Variants in EVC2 observed in about 807,000 individuals in gnomAD.
EVC2 encodes EvC ciliary complex subunit 2.
EVC2 carries 148 observed loss-of-function variants against 149.3 expected under a neutral mutation model. The ratio of observed to expected loss-of-function variants is 0.99; its 90% CI spans 0.87 to 1.14. The LOEUF (loss-of-function observed/expected upper bound fraction) is 1.14. EVC2 is among the 50% of genes most tolerant of loss of function. The pLI is 0.00. For missense variants in EVC2, 1,854 were observed against 1,627.3 expected (o/e 1.14, Z -2.40); for synonymous variants, 776 against 649.9 (o/e 1.19, Z -2.95).
At chr4:5,709,073 C>G (rs1325770867), upstream of EVC2, 1 of 152,440 alleles carries the variant, frequency 6.6e-6, no homozygotes, top group Non-Finnish European at 1.5e-5. Flanking sequence ...ACCCACTGCC[C>G]GAGCCTGCTG....
intron 18 of EVC2, 27 bp from the exon 19 acceptor site, chr4:5,574,799 G>A: frequency 1.2e-6 from 2 of 1,604,398 alleles, no homozygotes; most frequent in East Asian, 4.5e-5. Flanking sequence ...ATATACGTAA[G>A]TTCAGTTTTG....
chr4:5,685,257 G>A, intron 6 of EVC2, 113 bp downstream of exon 6: 2 of 999,470 alleles, frequency 2.0e-6, no homozygotes, highest in Non-Finnish European at 3.2e-6. Context: ...CTGCTAGGTG[G>A]CATCACTGAA....
intron 9 of EVC2, among the ~76,000 whole-genome samples, chr4:5,645,989 G>C (rs894161526): frequency 9.9e-5 from 15 of 152,122 alleles, no homozygotes; most frequent in Non-Finnish European, 2.1e-4. Flanking sequence ...GAGTGCAATG[G>C]CGTGATCTTG....
At chr4:5,687,257 C>CA (rs929271371) in intron 5 of EVC2, among the ~76,000 whole-genome samples, 8 of 149,864 alleles carry the variant, frequency 5.3e-5, no homozygotes, top group South Asian at 2.1e-4. Flanking sequence ...AACTCCATCT[C>CA]AAAAAAAAAG....
At chr4:5,615,045 C>T (rs1715136263) in intron 16 of EVC2, among the ~76,000 whole-genome samples, 1 of 151,978 alleles carries the variant, frequency 6.6e-6, no homozygotes, top group Non-Finnish European at 1.5e-5. Context: ...TTTGTGGGAA[C>T]ATGGAGGAGA....
chr4:5,537,593 T>C, the EVC2 span, among the ~76,000 whole-genome samples: 1 of 152,290 alleles, frequency 6.6e-6, no homozygotes, highest in Admixed American at 6.5e-5. Flanking sequence ...TTCTTAACTG[T>C]ATACCAGAAC....
At chr4:5,692,649 T>G (rs900032796) in intron 3 of EVC2, among the ~76,000 whole-genome samples, 2 of 150,664 alleles carry the variant, frequency 1.3e-5, no homozygotes, top group African/African-American at 4.9e-5. Flanking sequence ...GGGTGGATCA[T>G]GAGGTCAGGA....
intron 9 of EVC2, among the ~76,000 whole-genome samples, chr4:5,651,601 GT>G (rs1718152789): frequency 6.6e-6 from 1 of 152,202 alleles, no homozygotes; most frequent in Non-Finnish European, 1.5e-5. Context: ...CTACCTGAAG[GT>G]TAGATGACAA....
chr4:5,579,770 G>A (rs1249109834), intron 17 of EVC2, among the ~76,000 whole-genome samples: 1 of 152,206 alleles, frequency 6.6e-6, no homozygotes, highest in Non-Finnish European at 1.5e-5. Flanking sequence ...GAACCCAGGA[G>A]GTGGAGGTTG....
chr4:5,567,996 T>G lies in EVC2; in HGVS notation c.3557+448A>C, dbSNP rs1456299506. ...TGAAATGCAGAATGTAGCAAGGCTGTATCCACAGCGTGCTCACTCCACACT... is the reference window on the plus strand; with the variant it reads ...TGAAATGCAGAATGTAGCAAGGCTGGATCCACAGCGTGCTCACTCCACACT... On this transcript the variant is annotated intron_variant, in intron 20 of 21. Transcript: ENST00000344408. The surrounding 1 kb of genome is among the most constrained non-coding windows in gnomAD (Gnocchi z 4.4). Among the ~76,000 whole-genome samples, 1 of 152,220 alleles carries G rather than the reference T, an allele frequency of 6.6e-6. No homozygotes were observed. Among genetic ancestry groups the G allele is most frequent in the African/African-American group, 2.4e-5 (1 of 41,454 alleles).
intron 22 of EVC2, chr4:5,542,951 C>T (rs1721542974): frequency 2.7e-6 from 1 of 369,464 alleles, no homozygotes; most frequent in Non-Finnish European, 5.2e-6. Context: ...ATTTTCTCTG[C>T]CCTGCAATGT....
At chr4:5,608,960 C>T (rs1036555667) in intron 16 of EVC2, among the ~76,000 whole-genome samples, 1 of 152,066 alleles carries the variant, frequency 6.6e-6, no homozygotes, top group African/African-American at 2.4e-5. Flanking sequence ...CTTTCTCTTC[C>T]GGAGCTGGGA....
Position 5,622,149 on chromosome 4 carries a change from T to A in EVC2, c.2501+388A>T, listed in dbSNP as rs1264362478. ...CCCCTTCCCCCTCTGCTCCTGTGGA[T>A]CATGTCCCCTCCCCAGGGGACATTT... is the stretch of plus-strand genomic sequence containing the variant. On this transcript the variant is annotated intron_variant, in intron 14 of 21. Coordinates refer to ENST00000344408, the MANE Select transcript of EVC2 (RefSeq NM_147127.5). The surrounding 1 kb of genome is among the most constrained non-coding windows in gnomAD (Gnocchi z 5.8). Among the ~76,000 whole-genome samples, 2 of 151,984 alleles carry A rather than the reference T, an allele frequency of 1.3e-5. No individual in the cohort carries two copies. The highest frequency in any genetic ancestry group is 6.6e-5 in the Admixed American group (1 of 15,264).
chr4:5,546,925 G>T (rs1256969554), intron 21 of EVC2, among the ~76,000 whole-genome samples: 1 of 152,140 alleles, frequency 6.6e-6, no homozygotes, highest in Non-Finnish European at 1.5e-5. Context: ...GAGCTTCCCT[G>T]GTGCAGCCAC....
At chr4:5,603,003 C>A (rs1003922456) in intron 16 of EVC2, among the ~76,000 whole-genome samples, 6 of 152,054 alleles carry the variant, frequency 3.9e-5, no homozygotes, top group Non-Finnish European at 7.4e-5. Context: ...TCAGCAGAAG[C>A]CTTGTAGAAT....
intron 19 of EVC2, among the ~76,000 whole-genome samples, chr4:5,571,045 G>A (rs1344055788): frequency 6.6e-6 from 1 of 152,138 alleles, no homozygotes; most frequent in South Asian, 2.1e-4. Context: ...GCCGGGCGTC[G>A]TGGCTCACAC....
intron 5 of EVC2, among the ~76,000 whole-genome samples, chr4:5,687,063 C>T (rs373596907): frequency 9.9e-5 from 15 of 151,868 alleles, no homozygotes; most frequent in African/African-American, 3.6e-4. Flanking sequence ...TCGTGACCAG[C>T]CTGGGCAATA....
At chr4:5,582,118 C>T (rs996090832) in intron 17 of EVC2, among the ~76,000 whole-genome samples, 6 of 152,190 alleles carry the variant, frequency 3.9e-5, no homozygotes, top group African/African-American at 1.4e-4. Flanking sequence ...GGGTTGGAGC[C>T]CCCACACAGA....
At chr4:5,674,333 G>A (rs1175604354) in intron 7 of EVC2, among the ~76,000 whole-genome samples, 3 of 152,188 alleles carry the variant, frequency 2.0e-5, no homozygotes, top group Non-Finnish European at 4.4e-5. Flanking sequence ...GATTCTGACT[G>A]CAATGATGTT....
Sources: gnomAD v4.1 joint callset for allele counts (sites outside exome capture counted in the v4.1 genomes callset) on GRCh38, gnomAD v4.1.1 for gene constraint, Gnocchi (gnomAD v3.1) non-coding constraint, MANE v1.5 for transcripts, NCBI Gene and HGNC (gene_info 2026-07-23, HGNC 2026-07-21) for gene names.